The following SEPTIN8 variants were observed in gnomAD, a reference collection of about 807,000 sequenced individuals.
SEPTIN8 encodes the protein septin-8.
A neutral mutation model predicts 53.1 loss-of-function variants in SEPTIN8; 22 were observed. The ratio of observed to expected loss-of-function variants is 0.41; its 90% confidence interval spans 0.30 to 0.59. The LOEUF is 0.59. Among genes scored for constraint, SEPTIN8 ranks in the 20% least tolerant of loss-of-function variants. The pLI, the probability that SEPTIN8 is intolerant of heterozygous loss-of-function variation, is 0.24. For missense variants in SEPTIN8, 536 were observed against 638.7 expected (o/e 0.84, Z 1.73); for synonymous variants, 228 against 248.4 (o/e 0.92, Z 0.77).
intron 9 of SEPTIN8, chr5:132,754,210 G>A (rs1581130591): frequency 2.9e-5 from 16 of 544,534 alleles, no homozygotes; most frequent in South Asian, 2.9e-4. Flanking sequence ...TTAGCCTTGC[G>A]AGAGTCAGAT....
At chr5:132,758,687 A>G in intron 9 of SEPTIN8, 2 of 1,599,908 alleles carry the variant, frequency 1.3e-6, no homozygotes, top group Non-Finnish European at 1.7e-6. Flanking sequence ...GCAAGGCTGT[A>G]AACACTGGAG....
intron 9 of SEPTIN8, among the ~76,000 whole-genome samples, chr5:132,752,619 A>G (rs908198636): frequency 1.3e-5 from 2 of 152,176 alleles, no homozygotes; most frequent in African/African-American, 4.8e-5. Flanking sequence ...TTGTGGGGGC[A>G]CAAGGAGGAG....
intron 1 of SEPTIN8, among the ~76,000 whole-genome samples, chr5:132,766,680 C>T (rs1756635791): frequency 1.3e-5 from 2 of 152,174 alleles, no homozygotes; most frequent in African/African-American, 2.4e-5. Flanking sequence ...TGCCCATAGC[C>T]GCAGGGTGGT....
At chr5:132,756,263 C>T (rs1755330262) in intron 9 of SEPTIN8, 1 of 985,226 alleles carries the variant, frequency 1.0e-6, no homozygotes, top group Non-Finnish European at 1.2e-6. Flanking sequence ...TCAGGGTACC[C>T]ACAACTAGAA....
chr5:132,779,222 G>A (rs901881264), upstream of SEPTIN8, among the ~76,000 whole-genome samples: 7 of 152,152 alleles, frequency 4.6e-5, no homozygotes, highest in Admixed American at 3.9e-4. Flanking sequence ...ATCTATGAGG[G>A]CTCAAAAGGT....
chr5:132,759,130 C>G, intron 9 of SEPTIN8: 1 of 507,340 alleles, frequency 2.0e-6, no homozygotes, highest in Non-Finnish European at 3.9e-6. Flanking sequence ...AAAATGCACT[C>G]CCGACTCACA....
Position 132,761,553 on chromosome 5 carries a change from G to A in SEPTIN8, c.867C>T (p.Arg289=), listed in dbSNP as rs201642066. Reference sequence around the variant, plus strand: ...CGTAGTGCCGGCTGTGGGTCTGCTCGCGGAGGTCTTCCATGTTCACCCGGA... The same window carrying A: ...CGTAGTGCCGGCTGTGGGTCTGCTCACGGAGGTCTTCCATGTTCACCCGGA... ...MLIRVNMEDL[R]EQTHSRHYEL... is the part of the protein sequence containing the mutation. Residue 289 remains arginine (R), a synonymous_variant, in exon 7 of 10, where the codon CGC becomes CGT. Coordinates refer to ENST00000378719, the MANE Select transcript of SEPTIN8 (RefSeq NM_001098811.2). The surrounding 1 kb of genome is among the most constrained non-coding windows in gnomAD (Gnocchi z 5.8). 33 of 1,613,824 alleles carry A rather than the reference G, an allele frequency of 2.0e-5. No homozygotes were observed. Among genetic ancestry groups the A allele is most frequent in the Admixed American group, 3.3e-5 (2 of 59,994 alleles).
At chr5:132,770,022 TACACACAC>T (rs1300625919) in intron 1 of SEPTIN8, among the ~76,000 whole-genome samples, 26 of 34,946 alleles carry the variant, frequency 7.4e-4, no homozygotes, top group Middle Eastern at 0.017. Context: ...TATATATATA[TACACACAC>T]ATATATATAT....
At chr5:132,762,395 G>A (rs1756071815) in intron 5 of SEPTIN8, 89 bp downstream of exon 5, 1 of 1,323,204 alleles carries the variant, frequency 7.6e-7, no homozygotes, top group Non-Finnish European at 1.1e-6. Context: ...GGAATCCTGG[G>A]GAACAAGAGT....
intron 9 of SEPTIN8, chr5:132,757,548 G>A (rs1755455735): frequency 1.0e-6 from 1 of 985,530 alleles, no homozygotes; most frequent in East Asian, 1.1e-4. Flanking sequence ...GAGGCTTCCA[G>A]CCAGGGAGTA....
At chr5:132,752,332 C>T in intron 9 of SEPTIN8, 151 bp from the exon 10 acceptor site, 1 of 1,076,034 alleles carries the variant, frequency 9.3e-7, no homozygotes, top group Non-Finnish European at 1.3e-6. Context: ...AGAGTCTGCC[C>T]AAAGGCTAGG....
Position 132,761,534 on chromosome 5 carries a change from G to C in SEPTIN8, c.886C>G (p.His296Asp). 6.2e-7 allele frequency: 1 copy of C among 1,613,864 alleles called. No homozygotes were observed. ...EDLREQTHSRHYELYRRCKLE... is the reference protein window; with the variant it reads ...EDLREQTHSRDYELYRRCKLE... ...TTGCAGCGCCGGTAGAGCTCGTAGT[G>C]CCGGCTGTGGGTCTGCTCGCGGAGG... Residue 296 changes from histidine to aspartate, a missense_variant, in exon 7 of 10, where the codon CAC (histidine) becomes GAC (aspartate). By Grantham distance (81) the His-to-Asp change is moderately conservative (BLOSUM62 -1). Transcript: ENST00000378719. The surrounding 1 kb of genome is among the most constrained non-coding windows in gnomAD (Gnocchi z 5.8).
chr5:132,770,110 T>C (rs1453159794), intron 1 of SEPTIN8, among the ~76,000 whole-genome samples: 40 of 8,924 alleles, frequency 4.5e-3, no homozygotes, highest in Middle Eastern at 0.083. Flanking sequence ...TGTATATATG[T>C]ATATATATAT....
Position 132,761,075 on chromosome 5 carries a change from C to G in SEPTIN8, c.1095+58G>C. The G allele has an allele frequency of 6.2e-7, 1 of 1,610,564 alleles. No individual in the cohort carries two copies. Among genetic ancestry groups the G allele is most frequent in the East Asian group, 2.2e-5 (1 of 44,882 alleles). ...CCAGGAAGGCACCCCCACCTCTACC[C>G]TCAGCCAGGCCTTCCCTCCCTCAGC... On this transcript the variant is annotated intron_variant, in intron 8 of 9. Coordinates refer to ENST00000378719, the MANE Select transcript of SEPTIN8 (RefSeq NM_001098811.2). This position sits in a 1 kb window ranked among gnomAD's most constrained non-coding sequence, Gnocchi z 5.8.
rs562974414 is a variant in SEPTIN8 at position 132,758,088 on chromosome 5, G to T, written c.1286+2714C>A. ...TTCCATTTACATTCACAGTAAAAAC[G>T]CTGGACATGGTCTTGTTCATGTTCC... On this transcript the variant is annotated intron_variant, in intron 9 of 9. Transcript: ENST00000378719. The T allele has an allele frequency of 6.0e-6, 6 of 1,000,922 alleles. No homozygotes were observed. The South Asian group carries it at 2.2e-4, about 37-fold the overall frequency. 62.0% of individuals were successfully genotyped at this position (1,000,922 alleles called of 1,614,324 possible).
intron 2 of SEPTIN8, among the ~76,000 whole-genome samples, 200 bp downstream of exon 2, chr5:132,765,209 C>T (rs1756460301): frequency 6.6e-6 from 1 of 152,152 alleles, no homozygotes; most frequent in Non-Finnish European, 1.5e-5. Flanking sequence ...GTTTACTCTT[C>T]ATGACAATGC....
intron 1 of SEPTIN8, among the ~76,000 whole-genome samples, chr5:132,768,200 T>C (rs1291482303): frequency 1.3e-5 from 2 of 152,086 alleles, no homozygotes; most frequent in African/African-American, 4.8e-5. Context: ...AGGGAGGTCA[T>C]CATCCCTAAG....
At position 132,760,225 on chromosome 5, in the gene SEPTIN8, A is replaced by T. The variant is rs1200143871; in HGVS notation, c.1286+577T>A. On this transcript the variant is annotated intron_variant, in intron 9 of 9. Coordinates refer to ENST00000378719, the MANE Select transcript of SEPTIN8 (RefSeq NM_001098811.2). The surrounding 1 kb of genome is among the most constrained non-coding windows in gnomAD (Gnocchi z 5.2). Reference sequence around the variant, plus strand: ...TGCCAGCCAATACGGGCTCCACACCACTGCCCCACAGACTGAGGAGGGATG... The same window carrying T: ...TGCCAGCCAATACGGGCTCCACACCTCTGCCCCACAGACTGAGGAGGGATG... Among the ~76,000 whole-genome samples, 1 of 151,966 alleles carries T rather than the reference A, an allele frequency of 6.6e-6. No individual in the cohort carries two copies. The highest frequency in any genetic ancestry group is 1.5e-5 in the Non-Finnish European group (1 of 67,998).
chr5:132,750,885 A>G lies in SEPTIN8; in HGVS notation c.*1131T>C, dbSNP rs772498235. 1.9e-6 allele frequency: 3 copies of G among 1,614,100 alleles called. No homozygotes were observed. The East Asian group carries it at 6.7e-5, about 36-fold the overall frequency. ...ATTCCACAAGTAAAAGACTTCACAA[A>G]GCACTATGGCTCTGACTATTCCCCG... On this transcript the variant is annotated 3_prime_UTR_variant, in exon 10 of 10. Transcript: ENST00000378719.
Sources: allele counts gnomAD v4.1 joint callset (sites outside exome capture counted in the v4.1 genomes callset), GRCh38; gene constraint gnomAD v4.1.1; non-coding constraint Gnocchi (gnomAD v3.1); transcripts MANE v1.5; gene names NCBI Gene and HGNC (gene_info 2026-07-23, HGNC 2026-07-21).